The following SLC6A16 variants were observed in gnomAD, a reference collection of about 807,000 sequenced individuals.
SLC6A16 encodes the protein orphan sodium- and chloride-dependent neurotransmitter transporter NTT5.
Under a neutral mutation model 65.4 loss-of-function variants are expected in SLC6A16, and 54 were observed. The ratio of observed to expected loss-of-function variants is 0.83; its 90% CI spans 0.66 to 1.04. The LOEUF (loss-of-function observed/expected upper bound fraction) is 1.04, where lower values mean the gene tolerates loss of function less well. SLC6A16 is among the 50% of genes least tolerant of loss of function. SLC6A16 has a pLI of 0.00. For synonymous variants in SLC6A16, 330 were observed against 346.5 expected (o/e 0.95, Z 0.53); for missense variants, 816 against 914.0 (o/e 0.89, Z 1.38).
Position 49,292,428 on chromosome 19 carries a change from ACT to A in SLC6A16, c.1778+793_1778+794del, listed in dbSNP as rs1970095292. On this transcript the variant is annotated intron_variant, in intron 10 of 11. Coordinates refer to ENST00000335875, the MANE Select transcript of SLC6A16 (RefSeq NM_014037.3). The surrounding 1 kb of genome is among the most constrained non-coding windows in gnomAD (Gnocchi z 4.3). ...AACTCTTATCCTGGCTTCACTCTTG[ACT>A]CTTCCTGGTCTGTTCTCCAGACAGC... Among the ~76,000 whole-genome samples, 1 of 151,760 alleles carries A rather than the reference ACT, an allele frequency of 6.6e-6. No homozygotes were observed. The highest frequency in any genetic ancestry group is 1.5e-5 in the Non-Finnish European group (1 of 67,958).
At position 49,313,625 on chromosome 19, in the gene SLC6A16, CAAAA is replaced by C. The variant is rs902187308; in HGVS notation, c.-64-2218_-64-2215del. 5.3e-4 allele frequency among the ~76,000 whole-genome samples: 25 copies of C among 47,390 alleles called. No individual in the cohort carries two copies. In the East Asian group the frequency reaches 0.013, roughly 24 times the overall value. The allele number at this position is 47,390 out of a possible 152,430, so 31.1% of individuals were successfully genotyped here. A position where few individuals can be genotyped will look rare whatever the true frequency, so the allele number is the denominator to read the frequency against. On this transcript the variant is annotated intron_variant, in intron 1 of 11. Transcript: ENST00000335875. The stretch of plus-strand genomic sequence containing the variant: ...CAAAACCCTATCTCTACTAAAAATG[CAAAA>C]AAAAAAAAAAAAAAAAAATAGCCGG...
chr19:49,320,424 C>CCA (rs1555777885), intron 1 of SLC6A16, among the ~76,000 whole-genome samples: 1 of 138,564 alleles, frequency 7.2e-6, no homozygotes, highest in Non-Finnish European at 1.6e-5. Context: ...AACAAACAAA[C>CCA]AAACAAAAAA....
intron 7 of SLC6A16, among the ~76,000 whole-genome samples, chr19:49,307,157 C>T (rs1464405252): frequency 1.3e-5 from 2 of 149,574 alleles, no homozygotes; most frequent in South Asian, 2.1e-4. Context: ...GCATTACAGG[C>T]GTGAGCCACT....
chr19:49,305,915 A>G (rs962933324), intron 7 of SLC6A16: 1 of 152,204 alleles, frequency 6.6e-6, no homozygotes, highest in African/African-American at 2.4e-5. Context: ...ATAGCATAAA[A>G]CTGGAAAGAC....
At chr19:49,307,717 G>A in intron 7 of SLC6A16, among the ~76,000 whole-genome samples, 1 of 21,392 alleles carries the variant, frequency 4.7e-5, no homozygotes. Flanking sequence ...GGAAGAGGAG[G>A]AGGAAGCAAA....
the SLC6A16 span, chr19:49,338,880 T>C: frequency 6.2e-7 from 1 of 1,614,024 alleles, no homozygotes; most frequent in Non-Finnish European, 8.5e-7. The surrounding 1 kb of genome is among the most constrained non-coding windows in gnomAD (Gnocchi z 5.0). Flanking sequence ...CCTGGCGCGG[T>C]CCAGACACAG....
At chr19:49,315,811 T>A (rs1374219989) in intron 1 of SLC6A16, among the ~76,000 whole-genome samples, 2 of 152,030 alleles carry the variant, frequency 1.3e-5, no homozygotes, top group Admixed American at 1.3e-4. Flanking sequence ...AAAAAAAGAT[T>A]ATACTTAATA....
chr19:49,326,405 G>A (rs1183875797), upstream of SLC6A16, among the ~76,000 whole-genome samples: 1 of 152,088 alleles, frequency 6.6e-6, no homozygotes, highest in African/African-American at 2.4e-5. Context: ...TGAAAATAAT[G>A]TTCACCTCAT....
intron 10 of SLC6A16, 66 bp from the exon 11 acceptor site, chr19:49,290,833 C>A: frequency 7.3e-7 from 1 of 1,367,706 alleles, no homozygotes. Context: ...GCAGGGCCAG[C>A]CCAACCTTGG....
In SLC6A16 at chr19:49,292,740, T is replaced by C. The variant is rs1320239002; in HGVS notation, c.1778+483A>G. 2.0e-5 allele frequency among the ~76,000 whole-genome samples: 3 copies of C among 152,170 alleles called. No individual in the cohort carries two copies. Among genetic ancestry groups the C allele is most frequent in the Non-Finnish European group, 4.4e-5 (3 of 68,032 alleles). On this transcript the variant is annotated intron_variant, in intron 10 of 11. Coordinates refer to ENST00000335875, the MANE Select transcript of SLC6A16 (RefSeq NM_014037.3). This position sits in a 1 kb window ranked among gnomAD's most constrained non-coding sequence, Gnocchi z 4.3. ...TTCTGTTTCCCTGCAGGGAGCACTT[T>C]ACTCAAAATCTTGTCATGACTCCCT...
At chr19:49,290,434 C>T in intron 11 of SLC6A16, 42 bp from the exon 12 acceptor site, 1 of 1,590,078 alleles carries the variant, frequency 6.3e-7, no homozygotes, top group Non-Finnish European at 8.6e-7. Context: ...TCAAAATCCC[C>T]AAGAGAAAAG....
chr19:49,298,724 T>C (rs1028447224), intron 7 of SLC6A16, among the ~76,000 whole-genome samples: 3 of 152,022 alleles, frequency 2.0e-5, no homozygotes, highest in Admixed American at 2.0e-4. Flanking sequence ...CAAAGGAAAA[T>C]AAATCGTTCT....
the SLC6A16 span, chr19:49,339,942 AGAG>A: frequency 2.2e-6 from 3 of 1,387,526 alleles, no homozygotes; most frequent in African/African-American, 4.4e-5. This position sits in a 1 kb window ranked among gnomAD's most constrained non-coding sequence, Gnocchi z 4.5. Context: ...GCGCAGAATT[AGAG>A]GAGGCACAAT....
rs947584104 is a variant in SLC6A16 at position 49,313,555 on chromosome 19, G to A, written c.-64-2144C>T. Among the ~76,000 whole-genome samples, 11 of 150,590 alleles carry A rather than the reference G, an allele frequency of 7.3e-5. No homozygotes were observed. The East Asian group carries it at 1.6e-3, about 21-fold the overall frequency. ...AGTACTTTGGGAGGCCAAGGCAGGC[G>A]GATCACTTGAGGTCAGGAGTTTGAG... On this transcript the variant is annotated intron_variant, in intron 1 of 11. Coordinates refer to ENST00000335875, the MANE Select transcript of SLC6A16 (RefSeq NM_014037.3).
chr19:49,323,776 T>C (rs1042029322), intron 1 of SLC6A16, among the ~76,000 whole-genome samples: 12 of 152,214 alleles, frequency 7.9e-5, no homozygotes, highest in Non-Finnish European at 1.6e-4. Context: ...TGTAAAATGG[T>C]GCAACCACCA....
chr19:49,335,412 T>C, the SLC6A16 span: 1 of 739,778 alleles, frequency 1.4e-6, no homozygotes, highest in Non-Finnish European at 2.3e-6. The surrounding 1 kb of genome is among the most constrained non-coding windows in gnomAD (Gnocchi z 4.6). Flanking sequence ...CTTCCTCTTT[T>C]GGGGTTCTTC....
the SLC6A16 span, chr19:49,338,899 T>C: frequency 3.1e-6 from 5 of 1,613,878 alleles, no homozygotes; most frequent in Admixed American, 6.7e-5. This position sits in a 1 kb window ranked among gnomAD's most constrained non-coding sequence, Gnocchi z 5.0. Context: ...AGTGCAGACA[T>C]CTGCGCTGTC....
At chr19:49,331,228 T>C in the SLC6A16 span, among the ~76,000 whole-genome samples, 3 of 152,246 alleles carry the variant, frequency 2.0e-5, no homozygotes, top group East Asian at 1.9e-4. Flanking sequence ...TCATCCAGGC[T>C]GGAGTGCAGT....
chr19:49,304,725 G>T (rs1970350819), intron 7 of SLC6A16, among the ~76,000 whole-genome samples: 1 of 152,100 alleles, frequency 6.6e-6, no homozygotes, highest in African/African-American at 2.4e-5. Context: ...TGAGAGAAAA[G>T]AATTTTAATA....
Sources: allele counts gnomAD v4.1 joint callset (sites outside exome capture counted in the v4.1 genomes callset), GRCh38; gene constraint gnomAD v4.1.1; non-coding constraint Gnocchi (gnomAD v3.1); transcripts MANE v1.5; gene names NCBI Gene and HGNC (gene_info 2026-07-23, HGNC 2026-07-21).